The following FHOD3 variants were observed in gnomAD, a reference collection of about 807,000 sequenced individuals.
The protein encoded by FHOD3 is formin homology 2 domain containing 3.
In FHOD3, 90 loss-of-function variants were observed where a neutral mutation model predicts 173.0. The observed-to-expected ratio is 0.52, with a 90% confidence interval of 0.44 to 0.62. The LOEUF (loss-of-function observed/expected upper bound fraction) is 0.62, where lower values mean the gene tolerates loss of function less well. Ranked by LOEUF, FHOD3 falls within the 20% of genes least tolerant of loss-of-function variation. FHOD3 has a pLI of 0.00. For synonymous variants in FHOD3, 828 were observed against 823.0 expected, an observed-to-expected ratio of 1.01 and a Z score of -0.10; for missense variants, 1,945 against 2,034.7, an observed-to-expected ratio of 0.96 and a Z score of 0.85.
intron 6 of FHOD3, among the ~76,000 whole-genome samples, chr18:36,589,611 G>T (rs560995155): frequency 8.5e-5 from 13 of 152,274 alleles, no homozygotes; most frequent in African/African-American, 2.4e-4. Flanking sequence ...AGAGAATCTT[G>T]GATTCGCAGG....
intron 18 of FHOD3, among the ~76,000 whole-genome samples, chr18:36,717,553 G>C (rs977016841): frequency 6.6e-6 from 1 of 152,140 alleles, no homozygotes; most frequent in African/African-American, 2.4e-5. Flanking sequence ...TGCCTTGGGT[G>C]GGCAGGAAAA....
intron 10 of FHOD3, among the ~76,000 whole-genome samples, chr18:36,645,874 G>A (rs2035646255): frequency 6.6e-6 from 1 of 151,986 alleles, no homozygotes; most frequent in African/African-American, 2.4e-5. Flanking sequence ...TGCAGGAAAG[G>A]CATTTGACAG....
chr18:36,745,041 A>G (rs1260221700), intron 23 of FHOD3, among the ~76,000 whole-genome samples: 2 of 152,172 alleles, frequency 1.3e-5, no homozygotes, highest in African/African-American at 4.8e-5. Context: ...GGAATCCAGC[A>G]TGAGAGGAAG....
chr18:36,769,452 C>T (rs751222100), intron 28 of FHOD3, 26 bp downstream of exon 28: 3 of 1,609,168 alleles, frequency 1.9e-6, no homozygotes, highest in South Asian at 1.1e-5. Flanking sequence ...GAGGGGCGAG[C>T]CTTCACCCCT....
At chr18:36,644,323 G>GAATT (rs1246943487) in intron 10 of FHOD3, among the ~76,000 whole-genome samples, 1 of 152,184 alleles carries the variant, frequency 6.6e-6, no homozygotes, top group African/African-American at 2.4e-5. Context: ...AAAGTTGTCA[G>GAATT]AATTAATTAT....
At chr18:36,380,653 T>C (rs1166177726) in intron 3 of FHOD3, among the ~76,000 whole-genome samples, 3 of 134,372 alleles carry the variant, frequency 2.2e-5, no homozygotes, top group Non-Finnish European at 4.7e-5. Context: ...TCTGTATCTC[T>C]TTCTTTCTTT....
intron 5 of FHOD3, among the ~76,000 whole-genome samples, chr18:36,549,704 A>AT (rs566130762): frequency 0.021 from 2,707 of 129,408 alleles, 48 homozygotes; most frequent in African/African-American, 0.062. Flanking sequence ...TGCCTGGCTA[A>AT]TTTTTTTTTT....
chr18:36,423,861 G>C (rs1458195870), intron 3 of FHOD3, among the ~76,000 whole-genome samples: 1 of 152,024 alleles, frequency 6.6e-6, no homozygotes, highest in Non-Finnish European at 1.5e-5. Flanking sequence ...TGTTTTTCAC[G>C]GCAATCATCA....
At chr18:36,491,495 A>G (rs2054470615) in intron 3 of FHOD3, among the ~76,000 whole-genome samples, 4 of 152,276 alleles carry the variant, frequency 2.6e-5, no homozygotes, top group Admixed American at 2.6e-4. Flanking sequence ...GTATAATGGT[A>G]CTATCCACCA....
At chr18:36,447,897 C>T (rs1392223617) in intron 3 of FHOD3, among the ~76,000 whole-genome samples, 1 of 152,162 alleles carries the variant, frequency 6.6e-6, no homozygotes, top group Non-Finnish European at 1.5e-5. Context: ...AAACTGGTTA[C>T]TTTACTTTTC....
In FHOD3 at chr18:36,297,910, C is replaced by T. The variant is rs1056231399; in HGVS notation, c.75C>T (p.Pro25=). ...TCAACAGCACCAACTTCCCCGAGCC[C>T]AGCCGGCCGCCGCTGTTCACGTTCC... ...DPFNSTNFPE[P]SRPPLFTFRE... Residue 25 remains proline (P), a synonymous_variant, in exon 1 of 29, where the codon CCC becomes CCT. Coordinates refer to ENST00000590592, the MANE Select transcript of FHOD3 (RefSeq NM_001281740.3). 4.5e-6 allele frequency: 7 copies of T among 1,559,168 alleles called. No homozygotes were observed. The highest frequency in any genetic ancestry group is 6.1e-6 in the Non-Finnish European group (7 of 1,153,208).
intron 3 of FHOD3, among the ~76,000 whole-genome samples, chr18:36,383,056 G>A (rs980324715): frequency 6.6e-6 from 1 of 152,184 alleles, no homozygotes; most frequent in Non-Finnish European, 1.5e-5. Context: ...GGAGTGCCCT[G>A]TCTGATTATT....
At chr18:36,555,819 C>G (rs894631803) in intron 5 of FHOD3, among the ~76,000 whole-genome samples, 2 of 152,150 alleles carry the variant, frequency 1.3e-5, no homozygotes, top group African/African-American at 4.8e-5. Context: ...ATATTCATGT[C>G]TCTGAAATCT....
intron 3 of FHOD3, among the ~76,000 whole-genome samples, chr18:36,390,176 A>G (rs1465722662): frequency 6.6e-6 from 1 of 152,038 alleles, no homozygotes; most frequent in Non-Finnish European, 1.5e-5. Flanking sequence ...ATGGAGCTGA[A>G]TTGTCAAGCA....
At position 36,769,398 on chromosome 18, in the gene FHOD3, G is replaced by A. The variant is rs780929448; in HGVS notation, c.4758G>A (p.Arg1586=). The A allele has an allele frequency of 6.8e-6, 11 of 1,614,146 alleles. No homozygotes were observed. The highest frequency in any genetic ancestry group is 1.1e-5 in the South Asian group (1 of 91,084). ...VPSQRVVPRE[R]KRSRANRKSL... The stretch of plus-strand genomic sequence containing the variant: ...GTCAGCGAGTGGTGCCGAGGGAGAG[G>A]AAACGATCCCGGGCCAACCGGAAAT... The change falls in exon 28 of 29, where the codon AGG becomes AGA. Residue 1586 remains arginine, a synonymous_variant. Coordinates refer to ENST00000590592, the MANE Select transcript of FHOD3 (RefSeq NM_001281740.3).
intron 14 of FHOD3, 38 bp from the exon 15 acceptor site, chr18:36,681,398 G>A (rs912395007): frequency 1.2e-6 from 2 of 1,611,488 alleles, no homozygotes; most frequent in African/African-American, 1.3e-5. Context: ...TTTAATCACA[G>A]GCCAAGCAAC....
In FHOD3 at chr18:36,717,818, C is replaced by G; in HGVS notation, c.2534-14C>G. The G allele has an allele frequency of 6.5e-7, 1 of 1,549,434 alleles. No homozygotes were observed. The highest frequency in any genetic ancestry group is 8.7e-7 in the Non-Finnish European group (1 of 1,147,230). On this transcript the variant is annotated splice_polypyrimidine_tract_variant and intron_variant, in intron 18 of 28. Coordinates refer to ENST00000590592, the MANE Select transcript of FHOD3 (RefSeq NM_001281740.3). ...CTTGCCCCTTTCTCATTTTTCTCTC[C>G]CATGTACTTTCAGGTTTGTGGCCCG... is the stretch of plus-strand genomic sequence containing the variant.
chr18:36,716,401 T>C (rs2149747498), intron 18 of FHOD3, among the ~76,000 whole-genome samples: 1 of 152,230 alleles, frequency 6.6e-6, no homozygotes, highest in Non-Finnish European at 1.5e-5. Context: ...CTCTGAGGTT[T>C]TTGGAATTAG....
At chr18:36,381,410 A>G (rs916523349) in intron 3 of FHOD3, among the ~76,000 whole-genome samples, 1 of 152,182 alleles carries the variant, frequency 6.6e-6, no homozygotes, top group Non-Finnish European at 1.5e-5. Flanking sequence ...GATCACTTGG[A>G]CACTGGTCTC....
Sources: gnomAD v4.1 joint callset for allele counts (sites outside exome capture counted in the v4.1 genomes callset) on GRCh38, gnomAD v4.1.1 for gene constraint, MANE v1.5 for transcripts, NCBI Gene and HGNC (gene_info 2026-07-23, HGNC 2026-07-21) for gene names.